TMTC2: variants seen among roughly 807,000 people sequenced by gnomAD.
The protein encoded by TMTC2 is transmembrane O-mannosyltransferase targeting cadherins 2.
TMTC2 carries 43 observed loss-of-function variants against 82.4 expected under a neutral mutation model. The ratio of observed to expected loss-of-function variants is 0.52; its 90% CI spans 0.41 to 0.67. The LOEUF (loss-of-function observed/expected upper bound fraction) is 0.67. TMTC2 is among the 30% of genes least tolerant of loss of function. The pLI, the probability that TMTC2 is intolerant of heterozygous loss-of-function variation, is 0.00. For missense variants in TMTC2, 919 were observed against 1,012.4 expected (o/e 0.91, Z 1.25); for synonymous variants, 408 against 381.9 (o/e 1.07, Z -0.80).
At chr12:82,946,112 T>A (rs943366682) in intron 4 of TMTC2, among the ~76,000 whole-genome samples, 1 of 152,164 alleles carries the variant, frequency 6.6e-6, no homozygotes, top group Non-Finnish European at 1.5e-5. Context: ...AGACTTCTGT[T>A]CCCCTATACT....
At chr12:82,864,743 C>T (rs1163339032) in intron 2 of TMTC2, among the ~76,000 whole-genome samples, 4 of 151,418 alleles carry the variant, frequency 2.6e-5, no homozygotes, top group South Asian at 2.1e-4. Context: ...CCTTGTGATC[C>T]GCCCGCCTTG....
At chr12:83,120,753 A>G (rs982787733) in intron 11 of TMTC2, among the ~76,000 whole-genome samples, 6 of 152,076 alleles carry the variant, frequency 3.9e-5, no homozygotes, top group Non-Finnish European at 7.4e-5. Context: ...ATGTTTTCCC[A>G]ACTTTTAGAT....
chr12:82,913,978 A>G (rs1266069917), intron 3 of TMTC2, among the ~76,000 whole-genome samples: 2 of 152,192 alleles, frequency 1.3e-5, no homozygotes, highest in African/African-American at 4.8e-5. Context: ...TTGGTTGAAA[A>G]AAAAAATCCA....
intron 1 of TMTC2, among the ~76,000 whole-genome samples, chr12:82,703,076 A>G (rs532440437): frequency 6.6e-6 from 1 of 152,140 alleles, no homozygotes; most frequent in Admixed American, 6.6e-5. Context: ...AGGTGCCTGT[A>G]GTCCTGGCTA....
chr12:83,097,424 T>C lies in TMTC2; in HGVS notation c.2332-34786T>C, dbSNP rs577530484. Among the ~76,000 whole-genome samples, 4 of 152,320 alleles carry C rather than the reference T, an allele frequency of 2.6e-5. No individual in the cohort carries two copies. The South Asian group carries it at 8.3e-4, about 32-fold the overall frequency. ...AACTCTTTGCTCCCGGCTTTATTTT[T>C]CCCTTGGGCTCACAACTGCTTCCTA... is the stretch of plus-strand genomic sequence containing the variant. On this transcript the variant is annotated intron_variant, in intron 11 of 11. Coordinates refer to ENST00000321196, the MANE Select transcript of TMTC2 (RefSeq NM_152588.3).
intron 1 of TMTC2, among the ~76,000 whole-genome samples, chr12:82,814,378 A>G (rs1868569451): frequency 6.6e-6 from 1 of 152,160 alleles, no homozygotes; most frequent in Non-Finnish European, 1.5e-5. Context: ...GGAGAATACT[A>G]TTCGTGTAGT....
chr12:83,020,184 C>T (rs1050257926), intron 8 of TMTC2, among the ~76,000 whole-genome samples: 2 of 152,132 alleles, frequency 1.3e-5, no homozygotes, highest in East Asian at 1.9e-4. Flanking sequence ...CTCTTAGCAC[C>T]GGAAGTTTTT....
chr12:83,056,636 G>A (rs1386281890), intron 10 of TMTC2, among the ~76,000 whole-genome samples: 2 of 151,906 alleles, frequency 1.3e-5, no homozygotes, highest in African/African-American at 4.8e-5. Flanking sequence ...GGGGATGTGT[G>A]TATATATTTC....
At chr12:83,007,950 T>G (rs559257076) in intron 8 of TMTC2, among the ~76,000 whole-genome samples, 4 of 152,330 alleles carry the variant, frequency 2.6e-5, no homozygotes, top group East Asian at 3.9e-4. Flanking sequence ...TACTCTACTC[T>G]CTTCTTGCTT....
intron 1 of TMTC2, among the ~76,000 whole-genome samples, chr12:82,842,739 C>G (rs1173590319): frequency 3.9e-5 from 6 of 152,148 alleles, no homozygotes; most frequent in African/African-American, 1.4e-4. Flanking sequence ...GGCCTCACTC[C>G]TTGGCTTGCA....
intron 11 of TMTC2, among the ~76,000 whole-genome samples, chr12:83,095,527 A>G (rs1164842492): frequency 6.6e-6 from 1 of 152,200 alleles, no homozygotes; most frequent in Non-Finnish European, 1.5e-5. Flanking sequence ...GGCATGAGCC[A>G]TCGCAAAATT....
rs372346183 is a variant in TMTC2, at chr12:82,839,158, G to A, written c.84-17852G>A. 6.6e-4 allele frequency among the ~76,000 whole-genome samples: 101 copies of A among 152,212 alleles called. 2 individuals are homozygous for A. The South Asian group carries it at 0.021, about 31-fold the overall frequency. On this transcript the variant is annotated intron_variant, in intron 1 of 11. Coordinates refer to ENST00000321196, the MANE Select transcript of TMTC2 (RefSeq NM_152588.3). ...AGTTCCTTTTTAAAGTGGTAAATGC[G>A]CTTAGAGAGTTGTACTACAGTTTTA... is the stretch of plus-strand genomic sequence containing the variant.
intron 8 of TMTC2, among the ~76,000 whole-genome samples, chr12:83,001,355 G>T (rs1462833534): frequency 6.6e-6 from 1 of 151,934 alleles, no homozygotes; most frequent in Non-Finnish European, 1.5e-5. Context: ...TTCCACCTTA[G>T]GGCCCAGCAC....
chr12:82,901,955 C>G (rs921158387), intron 3 of TMTC2, among the ~76,000 whole-genome samples: 12 of 152,102 alleles, frequency 7.9e-5, no homozygotes, highest in Admixed American at 3.9e-4. Flanking sequence ...ACTAAATCTT[C>G]GCCTCTCTGG....
rs892806359 is a variant in TMTC2, at chr12:82,820,904, G to T, written c.84-36106G>T. Among the ~76,000 whole-genome samples, 29 of 152,216 alleles carry T rather than the reference G, an allele frequency of 1.9e-4. No homozygotes were observed. The South Asian group carries it at 2.5e-3, about 13-fold the overall frequency. On this transcript the variant is annotated intron_variant, in intron 1 of 11. Coordinates refer to ENST00000321196, the MANE Select transcript of TMTC2 (RefSeq NM_152588.3). ...ATTATGACTATTTTTTACAGGCAAG[G>T]TCTCACTCTGTTGCCTAGGCTGGAG...
chr12:82,965,158 A>C (rs1428655072), intron 5 of TMTC2, 49 bp downstream of exon 5: 1 of 1,348,366 alleles, frequency 7.4e-7, no homozygotes, highest in Non-Finnish European at 1.1e-6. Context: ...TCCATATTTG[A>C]AAATTAACTC....
chr12:83,022,608 C>T (rs1880984801), intron 8 of TMTC2, among the ~76,000 whole-genome samples: 1 of 152,068 alleles, frequency 6.6e-6, no homozygotes, highest in Admixed American at 6.6e-5. Flanking sequence ...TCTTTCATTT[C>T]TCAGTACTTA....
intron 1 of TMTC2, among the ~76,000 whole-genome samples, chr12:82,730,912 G>A (rs1056145020): frequency 1.3e-5 from 2 of 152,178 alleles, no homozygotes; most frequent in Non-Finnish European, 2.9e-5. Flanking sequence ...TATATAAGTC[G>A]TTTTGATTAA....
rs200268500 is a variant in TMTC2 at position 82,857,341 on chromosome 12, C to T, written c.415C>T (p.Arg139Ter). 7.0e-6 allele frequency: 11 copies of T among 1,582,602 alleles called. No homozygotes were observed. The highest frequency in any genetic ancestry group is 4.1e-5 in the African/African-American group (3 of 74,024). Residue 139 changes from arginine (R) to a stop codon, truncating the protein, a stop_gained, in exon 2 of 12, where the codon CGA (arginine) becomes TGA (stop). Transcript: ENST00000321196. LOFTEE classifies it high-confidence loss of function. Reference protein sequence around the residue: ...HTEAVAGIVGRADVGASLFFL... With the variant: ...HTEAVAGIVG ...GGAGGCAGTGGCAGGAATCGTGGGA[C>T]GAGCCGATGTCGGGGCCAGTCTCTT... is the stretch of plus-strand genomic sequence containing the variant.
Sources: allele counts gnomAD v4.1 joint callset (sites outside exome capture counted in the v4.1 genomes callset), GRCh38; gene constraint gnomAD v4.1.1; transcripts MANE v1.5; gene names NCBI Gene and HGNC (gene_info 2026-07-23, HGNC 2026-07-21).